Variants in OGDH observed in about 807,000 individuals in gnomAD.
OGDH encodes 2-oxoglutarate dehydrogenase complex component E1.
Under a neutral mutation model 116.6 loss-of-function variants are expected in OGDH, and 38 were observed. The observed-to-expected ratio is 0.33, with a 90% CI of 0.25 to 0.43. The LOEUF (loss-of-function observed/expected upper bound fraction) is 0.43, where lower values mean the gene tolerates loss of function less well. Among genes scored for constraint, OGDH ranks in the 20% least tolerant of loss-of-function variants. The pLI, the probability that OGDH is intolerant of heterozygous loss-of-function variation, is 1.00. For synonymous variants in OGDH, 488 were observed against 533.3 expected (o/e 0.92, Z 1.17); for missense variants, 825 against 1,357.2 (o/e 0.61, Z 6.16).
At chr7:44,617,133 A>AAC (rs1215838298) in intron 1 of OGDH, among the ~76,000 whole-genome samples, 3 of 151,300 alleles carry the variant, frequency 2.0e-5, no homozygotes, top group Non-Finnish European at 4.4e-5. Flanking sequence ...GGGTTTCAGC[A>AAC]TGTTGGCCAG....
intron 5 of OGDH, among the ~76,000 whole-genome samples, chr7:44,671,845 G>A (rs1787473413): frequency 2.6e-5 from 4 of 151,500 alleles, no homozygotes; most frequent in Admixed American, 6.6e-5. Flanking sequence ...TGAGGCAGGC[G>A]GATCACGAGG....
intron 2 of OGDH, among the ~76,000 whole-genome samples, chr7:44,642,679 T>G (rs1785997702): frequency 6.6e-6 from 1 of 152,176 alleles, no homozygotes; most frequent in South Asian, 2.1e-4. Context: ...ATCCCAGCAC[T>G]TTGGGAGGCC....
chr7:44,631,323 T>A (rs1294936215), intron 2 of OGDH, among the ~76,000 whole-genome samples: 1 of 152,208 alleles, frequency 6.6e-6, no homozygotes, highest in East Asian at 1.9e-4. Flanking sequence ...AGGAGGTACA[T>A]GTGTGGGTTT....
chr7:44,633,473 G>T (rs1209964144), intron 2 of OGDH, among the ~76,000 whole-genome samples: 2 of 152,074 alleles, frequency 1.3e-5, no homozygotes, highest in Non-Finnish European at 2.9e-5. Flanking sequence ...GTTAGTGCCG[G>T]TTTTTTAGAT....
In OGDH at chr7:44,694,613, A is replaced by G. The variant is rs564715791; in HGVS notation, c.1668+37A>G. The G allele has an allele frequency of 6.2e-7, 1 of 1,605,768 alleles. No individual in the cohort carries two copies. Among genetic ancestry groups the G allele is most frequent in the East Asian group, 2.2e-5 (1 of 44,632 alleles). On this transcript the variant is annotated intron_variant, in intron 12 of 22. Transcript: ENST00000222673. This position sits in a 1 kb window ranked among gnomAD's most constrained non-coding sequence, Gnocchi z 4.2. ...CGGCTCTATCCCAGTGCGCCTTTCC[A>G]GGGCTGGCGATGACTAGAAAAGGTG... is the stretch of plus-strand genomic sequence containing the variant.
chr7:44,690,980 T>C (rs1471919641), intron 10 of OGDH, among the ~76,000 whole-genome samples: 2 of 152,316 alleles, frequency 1.3e-5, no homozygotes, highest in African/African-American at 2.4e-5. Context: ...ATCATTTCTT[T>C]AGTCAGTGTG....
intron 4 of OGDH, among the ~76,000 whole-genome samples, chr7:44,659,601 T>C (rs978907760): frequency 6.6e-6 from 1 of 152,210 alleles, no homozygotes; most frequent in African/African-American, 2.4e-5. Context: ...CTGTTTCATA[T>C]TGGGTGAGTA....
At chr7:44,641,704 C>T (rs986890122) in intron 2 of OGDH, among the ~76,000 whole-genome samples, 18 of 152,206 alleles carry the variant, frequency 1.2e-4, no homozygotes, top group African/African-American at 4.1e-4. Flanking sequence ...CATTGGTCAT[C>T]CCTGCTTTCA....
chr7:44,681,968 C>T (rs1585356309), intron 10 of OGDH, 120 bp downstream of exon 10: 1 of 1,320,990 alleles, frequency 7.6e-7, no homozygotes, highest in Non-Finnish European at 1.0e-6. Context: ...TATTAAAAAC[C>T]AGGTGCAGTG....
At chr7:44,625,245 C>T (rs1359491350) in intron 2 of OGDH, among the ~76,000 whole-genome samples, 1 of 152,138 alleles carries the variant, frequency 6.6e-6, no homozygotes, top group African/African-American at 2.4e-5. Context: ...ATGCCTCAGC[C>T]TCCCGAGTAA....
At chr7:44,627,450 T>C (rs894927718) in intron 2 of OGDH, among the ~76,000 whole-genome samples, 12 of 152,244 alleles carry the variant, frequency 7.9e-5, no homozygotes, top group African/African-American at 2.9e-4. Flanking sequence ...ATAATAATAG[T>C]TTAAATAGAG....
chr7:44,697,598 T>A lies in OGDH; in HGVS notation c.2180-6T>A, dbSNP rs769606418. 9.3e-6 allele frequency: 15 copies of A among 1,614,218 alleles called. No homozygotes were observed. Among genetic ancestry groups the A allele is most frequent in the Non-Finnish European group, 1.0e-5 (12 of 1,180,028 alleles). On this transcript the variant is annotated splice_region_variant and splice_polypyrimidine_tract_variant and intron_variant, in intron 16 of 22. Transcript: ENST00000222673. The surrounding 1 kb of genome is among the most constrained non-coding windows in gnomAD (Gnocchi z 6.0). ...CATGGTTTTCTCCTTCCTTTGTCCC[T>A]TGTAGGCTTTGAGCTGGGCTTCGCC...
At chr7:44,620,174 C>G (rs1362127916) in intron 1 of OGDH, among the ~76,000 whole-genome samples, 1 of 152,168 alleles carries the variant, frequency 6.6e-6, no homozygotes, top group African/African-American at 2.4e-5. Flanking sequence ...GCATGCATGA[C>G]CATGCCCAGC....
In OGDH at chr7:44,707,008, T is replaced by C. The variant is rs1789108952; in HGVS notation, c.2633-217T>C. On this transcript the variant is annotated intron_variant, in intron 20 of 22. Transcript: ENST00000222673. The surrounding 1 kb of genome is among the most constrained non-coding windows in gnomAD (Gnocchi z 5.2). ...CCTGGTGTTACTTGATACCCAGAGC[T>C]GGCCATGTCTGCTGTGTATTTGTTA... is the stretch of plus-strand genomic sequence containing the variant. Among the ~76,000 whole-genome samples the C allele has an allele frequency of 6.6e-6, 1 of 152,228 alleles. No homozygotes were observed. The highest frequency in any genetic ancestry group is 1.5e-5 in the Non-Finnish European group (1 of 68,036).
chr7:44,635,851 C>T lies in OGDH; in HGVS notation c.223-9476C>T, dbSNP rs866912696. Among the ~76,000 whole-genome samples the T allele has an allele frequency of 2.6e-5, 4 of 151,860 alleles. No individual in the cohort carries two copies. In the East Asian group the frequency reaches 7.7e-4, roughly 29 times the overall value. On this transcript the variant is annotated intron_variant, in intron 2 of 22. Coordinates refer to ENST00000222673, the MANE Select transcript of OGDH (RefSeq NM_002541.4). ...TCCTGAGTAATGGGGATTACGGGCA[C>T]GCACCACCACGCCCAGCTAATTTTT...
rs777624714 is a variant in OGDH at position 44,705,051 on chromosome 7, C to CTTTTTTTTTTTT, written c.2633-2166_2633-2155dup. On this transcript the variant is annotated intron_variant, in intron 20 of 22. Coordinates refer to ENST00000222673, the MANE Select transcript of OGDH (RefSeq NM_002541.4). ...TTGATGTACAAAAGTTTTTAATTTT[C>CTTTTTTTTTTTT]TTTTTTTTTTTTTTTTTTTGAGACG... is the stretch of plus-strand genomic sequence containing the variant. Among the ~76,000 whole-genome samples, 161 of 93,910 alleles carry CTTTTTTTTTTTT rather than the reference C, an allele frequency of 1.7e-3. 12 individuals carry two copies. Among genetic ancestry groups the CTTTTTTTTTTTT allele is most frequent in the African/African-American group, 4.2e-3 (72 of 17,070 alleles). The allele number at this position is 93,910 out of a possible 152,430, so 61.6% of individuals were successfully genotyped here.
chr7:44,647,366 G>C (rs777684625), intron 3 of OGDH: 123 of 949,934 alleles, frequency 1.3e-4, no homozygotes, highest in Non-Finnish European at 1.9e-4. Context: ...GAAAAGGTTT[G>C]CATAACCTGT....
chr7:44,643,247 A>G (rs1786029593), intron 2 of OGDH, among the ~76,000 whole-genome samples: 1 of 152,102 alleles, frequency 6.6e-6, no homozygotes, highest in African/African-American at 2.4e-5. Flanking sequence ...AGTGACTGGG[A>G]CTACAGGCAC....
rs1010025198 is a variant in OGDH, at chr7:44,687,074, T to C, written c.1335+5226T>C. On this transcript the variant is annotated intron_variant, in intron 10 of 22. Transcript: ENST00000222673. The stretch of plus-strand genomic sequence containing the variant: ...TCTGTTTGGGATATGCTCATGTTTT[T>C]AAAAAAATTTTTTTTAATTTTTTTT... 4.7e-5 allele frequency among the ~76,000 whole-genome samples: 7 copies of C among 149,474 alleles called. No individual in the cohort carries two copies. The Admixed American group carries it at 4.7e-4, about 10-fold the overall frequency.
Sources: allele counts gnomAD v4.1 joint callset (sites outside exome capture counted in the v4.1 genomes callset), GRCh38; gene constraint gnomAD v4.1.1; non-coding constraint Gnocchi (gnomAD v3.1); transcripts MANE v1.5; gene names NCBI Gene and HGNC (gene_info 2026-07-23, HGNC 2026-07-21).